TMEM120B: variants seen among roughly 807,000 people sequenced by gnomAD.
The protein encoded by TMEM120B is transmembrane protein 120B.
TMEM120B carries 31 observed loss-of-function variants against 55.5 expected under a neutral mutation model. That is an observed-to-expected ratio of 0.56 (90% confidence interval 0.42 to 0.75). The LOEUF (loss-of-function observed/expected upper bound fraction) is 0.75. Ranked by LOEUF, TMEM120B falls within the 30% of genes least tolerant of loss-of-function variation. The pLI is 0.00. For missense variants in TMEM120B, 399 were observed against 425.5 expected (o/e 0.94, Z 0.55); for synonymous variants, 203 against 176.3 (o/e 1.15, Z -1.20).
At chr12:121,770,480 G>A (rs896869233) in intron 6 of TMEM120B, among the ~76,000 whole-genome samples, 1 of 152,198 alleles carries the variant, frequency 6.6e-6, no homozygotes, top group Non-Finnish European at 1.5e-5. Context: ...GCCCTGAGGT[G>A]GCAGCAGGCA....
At chr12:121,728,380 T>G (rs1894936824) in intron 1 of TMEM120B, among the ~76,000 whole-genome samples, 1 of 151,282 alleles carries the variant, frequency 6.6e-6, no homozygotes, top group African/African-American at 2.4e-5. Context: ...TCCCAGCTAC[T>G]CGGGAGGCTG....
intron 2 of TMEM120B, among the ~76,000 whole-genome samples, chr12:121,747,008 G>C (rs1873106752): frequency 6.6e-6 from 1 of 152,064 alleles, no homozygotes; most frequent in Admixed American, 6.6e-5. Context: ...AGTATTGTCA[G>C]TAATTATCCC....
At chr12:121,739,382 G>A (rs899514230) in intron 1 of TMEM120B, among the ~76,000 whole-genome samples, 1 of 152,106 alleles carries the variant, frequency 6.6e-6, no homozygotes, top group Non-Finnish European at 1.5e-5. Flanking sequence ...TGAGGCCATA[G>A]CATTGTGTTA....
rs189004311 is a variant in TMEM120B at position 121,759,193 on chromosome 12, G to A, written c.462-2456G>A. Among the ~76,000 whole-genome samples the A allele has an allele frequency of 1.5e-4, 22 of 150,252 alleles. No homozygotes were observed. In the East Asian group the frequency reaches 3.2e-3, roughly 22 times the overall value. ...CTCCCAAAGTGCTGGGATTACAGGCGTGAGCCACCGCACCCAGCCAAGTCT... is the reference window on the plus strand; with the variant it reads ...CTCCCAAAGTGCTGGGATTACAGGCATGAGCCACCGCACCCAGCCAAGTCT... On this transcript the variant is annotated intron_variant, in intron 5 of 11. Coordinates refer to ENST00000449592, the MANE Select transcript of TMEM120B (RefSeq NM_001080825.2).
chr12:121,764,779 G>C (rs1257463922), intron 6 of TMEM120B, among the ~76,000 whole-genome samples: 3 of 152,200 alleles, frequency 2.0e-5, no homozygotes, highest in Non-Finnish European at 4.4e-5. Context: ...AGAGAGATGG[G>C]AGCAGCACTG....
At position 121,771,532 on chromosome 12, in the gene TMEM120B, C is replaced by G. The variant is rs201837879; in HGVS notation, c.662C>G (p.Ala221Gly). ...CAGAAGTTTCGCAACCAGTTCTTAG[C>G]ATTTTCCATTTTTCAGAGTGAGTGA... The part of the protein sequence containing the change: ...IYQKFRNQFL[A>G]FSIFQSCVQF... The change falls in exon 8 of 12, where the codon GCA (alanine) becomes GGA (glycine). Residue 221 changes from alanine to glycine, a missense_variant. Around this residue, in one of 3 missense-constraint regions of TMEM120B, gnomAD observed 260 missense variants for 303.9 expected, o/e 0.86. Coordinates refer to ENST00000449592, the MANE Select transcript of TMEM120B (RefSeq NM_001080825.2). 55 of 1,613,934 alleles carry G rather than the reference C, an allele frequency of 3.4e-5. No homozygotes were observed. The highest frequency in any genetic ancestry group is 1.6e-4 in the Middle Eastern group (1 of 6,082).
rs896088527 is a variant in TMEM120B at position 121,781,280 on chromosome 12, C to T, written c.*5558C>T. On this transcript the variant is annotated 3_prime_UTR_variant, in exon 12 of 12. Coordinates refer to ENST00000449592, the MANE Select transcript of TMEM120B (RefSeq NM_001080825.2). ...AAGGGGAAGGGGCCAGGCAAGTGAC[C>T]CTGCCTTAGGGCCTCAATTTCCTCA... The T allele has an allele frequency of 3.3e-6, 4 of 1,222,096 alleles. No individual in the cohort carries two copies. The highest frequency in any genetic ancestry group is 1.5e-5 in the African/African-American group (1 of 67,248). The allele number at this position is 1,222,096 out of a possible 1,614,324, so 75.7% of individuals were successfully genotyped here.
rs1001401152 is a variant in TMEM120B, at chr12:121,778,428, G to C, written c.*2706G>C. 1 of 146,254 alleles carries C rather than the reference G, an allele frequency of 6.8e-6. No homozygotes were observed. Among genetic ancestry groups the C allele is most frequent in the African/African-American group, 2.6e-5 (1 of 38,622 alleles). 9.1% of individuals were successfully genotyped at this position (146,254 alleles called of 1,614,324 possible). A position where few individuals can be genotyped will look rare whatever the true frequency, so the allele number is the denominator to read the frequency against. On this transcript the variant is annotated 3_prime_UTR_variant, in exon 12 of 12. Transcript: ENST00000449592. ...ATCATGCCACTGCACTCTAGCCTGAGTGACAGAATGAGACTCTGTCCCAAA... is the reference window on the plus strand; with the variant it reads ...ATCATGCCACTGCACTCTAGCCTGACTGACAGAATGAGACTCTGTCCCAAA...
chr12:121,772,556 C>T (rs1340573126), intron 8 of TMEM120B, among the ~76,000 whole-genome samples: 1 of 151,730 alleles, frequency 6.6e-6, no homozygotes, highest in Admixed American at 6.6e-5. Context: ...TGCCAAGTAG[C>T]TGGGATTACA....
chr12:121,771,108 C>T, intron 7 of TMEM120B, 136 bp downstream of exon 7: 1 of 994,584 alleles, frequency 1.0e-6, no homozygotes, highest in Non-Finnish European at 1.5e-6. Context: ...TATGAGCCTG[C>T]AGCTGCGCCG....
intron 1 of TMEM120B, among the ~76,000 whole-genome samples, chr12:121,733,090 A>C (rs1171588860): frequency 3.9e-5 from 6 of 152,012 alleles, no homozygotes; most frequent in Non-Finnish European, 8.8e-5. Context: ...GTGCCCAGAG[A>C]GGCCGTGCAA....
rs1873000387 is a variant in TMEM120B, at chr12:121,743,708, A to C, written c.149A>C (p.Gln50Pro). The change falls in exon 2 of 12, where the codon CAG (glutamine) becomes CCG (proline). Residue 50 changes from glutamine (Q) to proline (P), a missense_variant. Gln to Pro is a moderately conservative substitution (Grantham distance 76). Transcript: ENST00000449592. ...CTGTGTAGCAGTTCCATCAGTAAGC[A>C]GAAGAAGCACCTCAAGGACTTGAAG... ...QTLCSSSISKQKKHLKDLKLT... is the reference protein window; with the variant it reads ...QTLCSSSISKPKKHLKDLKLT... 6.2e-7 allele frequency: 1 copy of C among 1,613,534 alleles called. No individual in the cohort carries two copies.
At chr12:121,742,844 G>A (rs1303837730) in intron 1 of TMEM120B, among the ~76,000 whole-genome samples, 3 of 152,186 alleles carry the variant, frequency 2.0e-5, no homozygotes, top group African/African-American at 7.2e-5. Flanking sequence ...CAAAGTGCTG[G>A]GATTACAGGC....
chr12:121,774,936 G>A (rs1040608630), intron 10 of TMEM120B, 126 bp from the exon 11 acceptor site: 11 of 1,159,772 alleles, frequency 9.5e-6, no homozygotes, highest in Admixed American at 4.0e-5. Flanking sequence ...TCATTTTGGG[G>A]GTGTCTGTCA....
intron 6 of TMEM120B, among the ~76,000 whole-genome samples, chr12:121,766,993 A>C (rs1340360590): frequency 6.6e-6 from 1 of 152,110 alleles, no homozygotes; most frequent in African/African-American, 2.4e-5. Flanking sequence ...GCTGGTGCAC[A>C]TATCTCCTGC....
intron 1 of TMEM120B, 57 bp downstream of exon 1, chr12:121,713,021 C>G (rs1566502694): frequency 1.4e-6 from 2 of 1,408,650 alleles, no homozygotes; most frequent in Non-Finnish European, 1.9e-6. Context: ...GCGCCTTGCC[C>G]TTCCTGAGCC....
chr12:121,733,782 C>T (rs1309077958), intron 1 of TMEM120B, among the ~76,000 whole-genome samples: 1 of 152,100 alleles, frequency 6.6e-6, no homozygotes, highest in Non-Finnish European at 1.5e-5. Flanking sequence ...AAGTGATCCG[C>T]CCACCTCGGC....
chr12:121,727,889 AAAAG>A (rs1475455332), intron 1 of TMEM120B, among the ~76,000 whole-genome samples: 2 of 151,548 alleles, frequency 1.3e-5, no homozygotes, highest in Non-Finnish European at 2.9e-5. Flanking sequence ...AAAAAAAAAA[AAAAG>A]AGATTGGTAA....
chr12:121,770,760 CA>C, intron 6 of TMEM120B, 146 bp from the exon 7 acceptor site: 3 of 715,126 alleles, frequency 4.2e-6, no homozygotes, highest in Admixed American at 4.1e-5. Flanking sequence ...GAGAGGAGGG[CA>C]CGGTCAGGGT....
Sources: gnomAD v4.1 joint callset for allele counts (sites outside exome capture counted in the v4.1 genomes callset) on GRCh38, gnomAD v4.1.1 for gene constraint, gnomAD v4.1.1 regional missense constraint, MANE v1.5 for transcripts, NCBI Gene and HGNC (gene_info 2026-07-23, HGNC 2026-07-21) for gene names.